ESD: variants seen among roughly 807,000 people sequenced by gnomAD.
The protein encoded by ESD is esterase D.
A neutral mutation model predicts 38.1 loss-of-function variants in ESD; 34 were observed. That is an observed-to-expected ratio of 0.89 (90% CI 0.68 to 1.19). The LOEUF is 1.19. Ranked by LOEUF, ESD falls within the 50% of genes most tolerant of loss-of-function variation. The probability of loss-of-function intolerance (pLI) is 0.00; values close to 1 mark genes in which losing one functional copy is unlikely to be tolerated. For missense variants in ESD, 334 were observed against 327.2 expected (o/e 1.02, Z -0.16); for synonymous variants, 97 against 107.0 (o/e 0.91, Z 0.58).
At position 46,777,476 on chromosome 13, in the gene ESD, C is replaced by T. The variant is rs187971603; in HGVS notation, c.748G>A (p.Val250Ile). 34 of 1,603,930 alleles carry T rather than the reference C, an allele frequency of 2.1e-5. No individual in the cohort carries two copies. Among genetic ancestry groups the T allele is most frequent in the African/African-American group, 5.4e-5 (4 of 74,748 alleles). Reference sequence around the variant, plus strand: ...CTTGCCTCTTGCAATCGAAAAACAACGGGGATTTTCTTTTCTGTACAGGCA... The same window carrying T: ...CTTGCCTCTTGCAATCGAAAAACAATGGGGATTTTCTTTTCTGTACAGGCA... ...IAACTEKKIP[V>I]VFRLQEGYDH... is the part of the protein sequence containing the mutation. Residue 250 changes from valine (V) to isoleucine (I), a missense_variant, in exon 9 of 10, where the codon GTT becomes ATT. By Grantham distance (29) the Val-to-Ile change is conservative. Coordinates refer to ENST00000378720, the MANE Select transcript of ESD (RefSeq NM_001984.2).
intron 1 of ESD, among the ~76,000 whole-genome samples, chr13:46,794,161 AAACAAC>A (rs201107262): frequency 2.6e-5 from 4 of 151,446 alleles, no homozygotes; most frequent in South Asian, 4.2e-4. Flanking sequence ...CCCCTCCAAA[AAACAAC>A]AACAACAACA....
intron 8 of ESD, among the ~76,000 whole-genome samples, chr13:46,778,961 T>C (rs1874900765): frequency 6.7e-6 from 1 of 149,014 alleles, no homozygotes; most frequent in Non-Finnish European, 1.5e-5. Flanking sequence ...CACAGAACTA[T>C]ACTTTAAATA....
At chr13:46,797,565 T>C (rs1216969), upstream of ESD, among the ~76,000 whole-genome samples, 101,345 of 152,092 alleles carry the variant, frequency 0.67, 35,379 homozygotes, top group African/African-American at 0.88. Flanking sequence ...TTCAACTCCC[T>C]CAACTCCTCT....
rs190110988 is a variant in ESD, at chr13:46,772,797, G to C, written c.769-1301C>G. Among the ~76,000 whole-genome samples the C allele has an allele frequency of 2.6e-5, 4 of 152,080 alleles. No homozygotes were observed. In the East Asian group the frequency reaches 7.7e-4, roughly 29 times the overall value. ...CATCCCGGGTTCAAGCGATTCTCCT[G>C]CCTCAGCCTCCCGACTAGCTGGGAC... On this transcript the variant is annotated intron_variant, in intron 9 of 9. Coordinates refer to ENST00000378720, the MANE Select transcript of ESD (RefSeq NM_001984.2).
At chr13:46,781,648 T>C (rs780911252) in intron 6 of ESD, 33 bp from the exon 7 acceptor site, 13 of 1,577,462 alleles carry the variant, frequency 8.2e-6, no homozygotes, top group African/African-American at 2.7e-5. Flanking sequence ...ACAAAAGATA[T>C]CAAAGAAAAT....
At position 46,784,340 on chromosome 13, in the gene ESD, G is replaced by T; in HGVS notation, c.168C>A (p.Cys56Ter). 6.2e-7 allele frequency: 1 copy of T among 1,608,908 alleles called. No homozygotes were observed. Among genetic ancestry groups the T allele is most frequent in the Middle Eastern group, 1.7e-4 (1 of 6,050 alleles). ...PALYWLSGLTCTEQNFISKSG... is the reference protein window; with the variant it reads ...PALYWLSGLT ...ATTTTGATATAAAATTTTGCTCTGT[G>T]CAAGTTAAACCTGAAGATAAAAAAT... is the stretch of plus-strand genomic sequence containing the variant. Residue 56 changes from cysteine to a stop codon, truncating the protein, a stop_gained, in exon 5 of 10, where the codon TGC becomes TGA. Transcript: ENST00000378720. LOFTEE classifies it high-confidence loss of function.
intron 5 of ESD, among the ~76,000 whole-genome samples, chr13:46,783,082 GTA>G (rs1477659930): frequency 1.3e-5 from 2 of 151,914 alleles, no homozygotes; most frequent in African/African-American, 4.8e-5. Flanking sequence ...AGTTTCTTAT[GTA>G]CTCTGAACAT....
chr13:46,772,596 C>T (rs1407877041), intron 9 of ESD, among the ~76,000 whole-genome samples: 4 of 152,312 alleles, frequency 2.6e-5, no homozygotes, highest in East Asian at 1.9e-4. Flanking sequence ...CAACTCCCAT[C>T]GCCCTTTGGC....
chr13:46,779,214 T>A (rs1338312212), intron 8 of ESD, among the ~76,000 whole-genome samples: 1 of 151,768 alleles, frequency 6.6e-6, no homozygotes, highest in Non-Finnish European at 1.5e-5. Flanking sequence ...TAAATGTACA[T>A]AACAGAATAT....
chr13:46,777,330 GAATAT>G (rs1360050793), intron 9 of ESD, 121 bp downstream of exon 9: 2 of 651,672 alleles, frequency 3.1e-6, no homozygotes, highest in African/African-American at 1.8e-5. Context: ...TCAAGTGTCT[GAATAT>G]AATTAAAAAC....
intron 9 of ESD, chr13:46,776,655 T>C (rs1181210147): frequency 6.6e-6 from 1 of 152,122 alleles, no homozygotes; most frequent in Admixed American, 6.6e-5. Flanking sequence ...TACAAACTAA[T>C]GTACCACATT....
intron 4 of ESD, among the ~76,000 whole-genome samples, chr13:46,784,588 A>C (rs1477501952): frequency 6.6e-6 from 1 of 151,984 alleles, no homozygotes; most frequent in Non-Finnish European, 1.5e-5. Flanking sequence ...TAAAAGTTGA[A>C]ATTATTAAAA....
intron 1 of ESD, among the ~76,000 whole-genome samples, chr13:46,796,170 T>C (rs949667083): frequency 7.9e-5 from 12 of 152,200 alleles, no homozygotes; most frequent in Admixed American, 3.9e-4. Flanking sequence ...AATTCTAGGA[T>C]GGCCTGGATG....
chr13:46,791,267 AG>A, intron 3 of ESD, 78 bp downstream of exon 3: 1 of 1,008,850 alleles, frequency 9.9e-7, no homozygotes, highest in Non-Finnish European at 1.5e-6. Context: ...TATAATATCT[AG>A]ATAAAGATTG....
chr13:46,779,965 T>C lies in ESD; in HGVS notation c.570A>G (p.Gly190=), dbSNP rs78203542. 6,474 of 1,606,180 alleles carry C rather than the reference T, an allele frequency of 4.0e-3. 202 individuals are homozygous for C. In the African/African-American group the frequency reaches 0.07, roughly 17 times the overall value. The change falls in exon 8 of 10, where the codon GGA becomes GGG. Residue 190 remains glycine, a synonymous_variant. Coordinates refer to ENST00000378720, the MANE Select transcript of ESD (RefSeq NM_001984.2). ...ATTTACTTTGATCTGTTCCCAAATA[T>C]CCACTAAAGGCTTTTTTGCCCCAGG... ...LCPWGKKAFS[G]YLGTDQSKWK... is the part of the protein sequence containing the mutation.
chr13:46,773,318 A>G (rs1874679561), intron 9 of ESD, among the ~76,000 whole-genome samples: 1 of 152,214 alleles, frequency 6.6e-6, no homozygotes, highest in South Asian at 2.1e-4. Context: ...CGGAATCACC[A>G]CACTATCTTC....
At chr13:46,779,431 C>T (rs1168801206) in intron 8 of ESD, among the ~76,000 whole-genome samples, 3 of 151,390 alleles carry the variant, frequency 2.0e-5, no homozygotes, top group South Asian at 2.1e-4. Flanking sequence ...AAATCTGAAA[C>T]GTTTTGAGTA....
At chr13:46,788,443 G>A (rs1875272964) in intron 3 of ESD, among the ~76,000 whole-genome samples, 1 of 151,984 alleles carries the variant, frequency 6.6e-6, no homozygotes, top group Non-Finnish European at 1.5e-5. Context: ...CATATTCAAT[G>A]CAGGGATATC....
At position 46,779,923 on chromosome 13, in the gene ESD, T is replaced by G. The variant is rs1302884418; in HGVS notation, c.600+12A>C. ...TTAAGAATGAGTATTAAGACAGCCA[T>G]TCAGTACCTACCTTCCATTTACTTT... On this transcript the variant is annotated intron_variant, in intron 8 of 9. Transcript: ENST00000378720. 6.3e-7 allele frequency: 1 copy of G among 1,582,986 alleles called. No homozygotes were observed. Among genetic ancestry groups the G allele is most frequent in the Non-Finnish European group, 8.6e-7 (1 of 1,156,524 alleles).
Sources: allele counts gnomAD v4.1 joint callset (sites outside exome capture counted in the v4.1 genomes callset), GRCh38; gene constraint gnomAD v4.1.1; transcripts MANE v1.5; gene names NCBI Gene and HGNC (gene_info 2026-07-23, HGNC 2026-07-21).